CEP68: variants seen among roughly 807,000 people sequenced by gnomAD.
CEP68 encodes the protein centrosomal protein 68.
CEP68 carries 26 observed loss-of-function variants against 55.3 expected under a neutral mutation model. The observed-to-expected ratio is 0.47, with a 90% CI of 0.34 to 0.65. CEP68 has a LOEUF of 0.65. CEP68 is among the 30% of genes least tolerant of loss of function. The pLI is 0.01. For synonymous variants in CEP68, 402 were observed against 383.2 expected (o/e 1.05, Z -0.57); for missense variants, 957 against 946.7 (o/e 1.01, Z -0.14).
At chr2:65,080,149 C>T (rs1676942299) in intron 5 of CEP68, 1 of 799,780 alleles carries the variant, frequency 1.3e-6, no homozygotes, top group Non-Finnish European at 1.5e-6. Context: ...AAAAAAAGGC[C>T]TCTTAAAAGC....
Position 65,085,993 on chromosome 2 carries a change from A to G in CEP68, c.*2359A>G, listed in dbSNP as rs1669016499. On this transcript the variant is annotated 3_prime_UTR_variant, in exon 7 of 7. Transcript: ENST00000377990. ...TGGAAGTTAAATCCACAGGGAAGTG[A>G]TGATACTCAAAGCTGGATCAGCAGT... is the stretch of plus-strand genomic sequence containing the variant. 1 of 152,226 alleles carries G rather than the reference A, an allele frequency of 6.6e-6. No homozygotes were observed. The highest frequency in any genetic ancestry group is 1.5e-5 in the Non-Finnish European group (1 of 68,040). 9.4% of individuals were successfully genotyped at this position (152,226 alleles called of 1,614,324 possible). A position where few individuals can be genotyped will look rare whatever the true frequency, so the allele number is the denominator to read the frequency against.
At chr2:65,068,542 T>C (rs1243905151) in intron 1 of CEP68, among the ~76,000 whole-genome samples, 2 of 152,254 alleles carry the variant, frequency 1.3e-5, no homozygotes, top group Non-Finnish European at 2.9e-5. Flanking sequence ...TGCTGATCTC[T>C]TTCTCTTTGG....
chr2:65,065,967 A>C (rs891663039), intron 1 of CEP68, among the ~76,000 whole-genome samples: 28 of 152,032 alleles, frequency 1.8e-4, no homozygotes, highest in African/African-American at 6.5e-4. Context: ...AAAAAAAAAA[A>C]AAAAACACAA....
chr2:65,072,521 A>G lies in CEP68; in HGVS notation c.1425A>G (p.Glu475=). Residue 475 remains glutamate (E), a synonymous_variant, in exon 3 of 7, where the codon GAA becomes GAG. Transcript: ENST00000377990. ...CTESRWKSEE[E]VESDDEYLAL... ...AGTCTAGGTGGAAATCAGAAGAGGA[A>G]GTGGAAAGTGATGACGAGTATCTTG... is the stretch of plus-strand genomic sequence containing the variant. The G allele has an allele frequency of 1.2e-6, 2 of 1,614,066 alleles. No homozygotes were observed. Among genetic ancestry groups the G allele is most frequent in the Non-Finnish European group, 1.7e-6 (2 of 1,179,992 alleles).
Position 65,074,217 on chromosome 2 carries a change from C to G in CEP68, c.1885-65C>G, listed in dbSNP as rs1048465640. On this transcript the variant is annotated intron_variant, in intron 3 of 6. Transcript: ENST00000377990. ...CTCCAAGTCCTCCTGATATTTTTAGCCTTTTGATAACATAAATAGCTGTTC... is the reference window on the plus strand; with the variant it reads ...CTCCAAGTCCTCCTGATATTTTTAGGCTTTTGATAACATAAATAGCTGTTC... 6.3e-6 allele frequency: 10 copies of G among 1,581,806 alleles called. No homozygotes were observed. The South Asian group carries it at 8.1e-5, about 13-fold the overall frequency.
Position 65,082,226 on chromosome 2 carries a change from T to G in CEP68, c.2105-310T>G, listed in dbSNP as rs1393978326. Among the ~76,000 whole-genome samples, 5 of 152,228 alleles carry G rather than the reference T, an allele frequency of 3.3e-5. No individual in the cohort carries two copies. The East Asian group carries it at 5.8e-4, about 18-fold the overall frequency. ...CCCTTACAGAGATACCTGTCTTACC[T>G]CTAAAGTCAGGTAATACCAGCCATC... On this transcript the variant is annotated intron_variant, in intron 5 of 6. Coordinates refer to ENST00000377990, the MANE Select transcript of CEP68 (RefSeq NM_015147.3).
At position 65,072,011 on chromosome 2, in the gene CEP68, T is replaced by C. The variant is rs1410301804; in HGVS notation, c.915T>C (p.Tyr305=). 3.1e-6 allele frequency: 5 copies of C among 1,613,226 alleles called. No individual in the cohort carries two copies. The South Asian group carries it at 3.3e-5, about 11-fold the overall frequency. Reference sequence around the variant, plus strand: ...AAGAGTATGAAGATCTGCTTGACTATACTTACCCACTGAGGCCCGGGCCTC... The same window carrying C: ...AAGAGTATGAAGATCTGCTTGACTACACTTACCCACTGAGGCCCGGGCCTC... The part of the protein sequence containing the change: ...PNKEYEDLLD[Y]TYPLRPGPQL... The change falls in exon 3 of 7, where the codon TAT becomes TAC. Residue 305 remains tyrosine, a synonymous_variant. Coordinates refer to ENST00000377990, the MANE Select transcript of CEP68 (RefSeq NM_015147.3).
intron 1 of CEP68, among the ~76,000 whole-genome samples, chr2:65,059,466 T>C (rs1314300046): frequency 6.6e-6 from 1 of 152,236 alleles, no homozygotes; most frequent in Non-Finnish European, 1.5e-5. Context: ...ATAGCCATCA[T>C]GAATCTCAAA....
rs1427846405 is a variant in CEP68 at position 65,082,615 on chromosome 2, C to A, written c.2184C>A (p.Ile728=). The A allele has an allele frequency of 1.1e-5, 18 of 1,612,392 alleles. No individual in the cohort carries two copies. Among genetic ancestry groups the A allele is most frequent in the Admixed American group, 1.7e-5 (1 of 59,696 alleles). ...ESHADRLYDS[I]LASLDMLAGC... ...ACGCAGATCGCCTGTATGACTCTAT[C>A]TTGGCCTCTCTGGACATGCTGGCTG... The change falls in exon 6 of 7, where the codon ATC becomes ATA. Residue 728 remains isoleucine (I), a synonymous_variant. Coordinates refer to ENST00000377990, the MANE Select transcript of CEP68 (RefSeq NM_015147.3).
rs766572390 is a variant in CEP68 at position 65,072,844 on chromosome 2, C to T, written c.1748C>T (p.Ser583Phe). 3.1e-6 allele frequency: 5 copies of T among 1,614,062 alleles called. No individual in the cohort carries two copies. In the African/African-American group the frequency reaches 4.0e-5, roughly 13 times the overall value. ...GGGAGCAGCCAGGCCCTCGGGGTCT[C>T]CTCTGGACTGCTGAAAACACGCCCC... ...SLGSSQALGV[S>F]SGLLKTRPSL... The change falls in exon 3 of 7, where the codon TCC (serine) becomes TTC (phenylalanine). Residue 583 changes from serine (S) to phenylalanine (F), a missense_variant. Ser to Phe is a radical substitution (Grantham distance 155, BLOSUM62 -2). Transcript: ENST00000377990.
At chr2:65,064,690 C>T (rs1011201184) in intron 1 of CEP68, among the ~76,000 whole-genome samples, 1 of 149,662 alleles carries the variant, frequency 6.7e-6, no homozygotes, top group Non-Finnish European at 1.5e-5. Context: ...GCTGAGATAG[C>T]GCCACTGCAG....
At chr2:65,066,500 CG>C (rs111831538) in intron 1 of CEP68, among the ~76,000 whole-genome samples, 19,064 of 151,322 alleles carry the variant, frequency 0.13, 1,588 homozygotes, top group South Asian at 0.21. Context: ...GAGGCTGAGG[CG>C]GGTGGATCAT....
chr2:65,071,851 C>T lies in CEP68; in HGVS notation c.755C>T (p.Pro252Leu). ...LGPRPQWSPQ[P>L]VFSGGDASGL... ...CCTCGGCCCCAGTGGTCACCACAGC[C>T]TGTGTTCTCTGGGGGTGATGCTTCT... The change falls in exon 3 of 7, where the codon CCT (proline) becomes CTT (leucine). Residue 252 changes from proline (P) to leucine (L), a missense_variant. By Grantham distance (98) the Pro-to-Leu change is moderately conservative (BLOSUM62 -3). Coordinates refer to ENST00000377990, the MANE Select transcript of CEP68 (RefSeq NM_015147.3). 3 of 1,606,034 alleles carry T rather than the reference C, an allele frequency of 1.9e-6. No homozygotes were observed. Among genetic ancestry groups the T allele is most frequent in the Non-Finnish European group, 2.6e-6 (3 of 1,175,628 alleles).
chr2:65,079,685 A>ATT (rs1676918355), intron 5 of CEP68, among the ~76,000 whole-genome samples: 1 of 152,228 alleles, frequency 6.6e-6, no homozygotes, highest in Non-Finnish European at 1.5e-5. Flanking sequence ...CCATTTAATC[A>ATT]CAGCCCTGTG....
Position 65,077,943 on chromosome 2 carries a change from T to G in CEP68, c.2083T>G (p.Cys695Gly). The G allele has an allele frequency of 6.2e-7, 1 of 1,613,778 alleles. No homozygotes were observed. ...VLQKGEILLQCLLENTPVLED... is the reference protein window; with the variant it reads ...VLQKGEILLQGLLENTPVLED... Reference sequence around the variant, plus strand: ...ACAGAAGGGGGAGATTCTTCTTCAGTGCCTGTTGGAGAACACCCCAGGTGA... The same window carrying G: ...ACAGAAGGGGGAGATTCTTCTTCAGGGCCTGTTGGAGAACACCCCAGGTGA... Residue 695 changes from cysteine to glycine, a missense_variant, in exon 5 of 7, where the codon TGC (cysteine) becomes GGC (glycine). By Grantham distance (159) the Cys-to-Gly change is radical (BLOSUM62 -3). Transcript: ENST00000377990.
Position 65,084,852 on chromosome 2 carries a change from T to TG in CEP68, c.*1218_*1219insG, listed in dbSNP as rs2103810045. 1 of 152,342 alleles carries TG rather than the reference T, an allele frequency of 6.6e-6. No homozygotes were observed. Among genetic ancestry groups the TG allele is most frequent in the Non-Finnish European group, 1.5e-5 (1 of 68,030 alleles). The allele number at this position is 152,342 out of a possible 1,614,324, so 9.4% of individuals were successfully genotyped here. On this transcript the variant is annotated 3_prime_UTR_variant, in exon 7 of 7. Coordinates refer to ENST00000377990, the MANE Select transcript of CEP68 (RefSeq NM_015147.3). ...CCTGATGCTGCTGTGGTATGCTTTATCATAATGCTTAAGGGCATGATCAAA... is the reference window on the plus strand; with the variant it reads ...CCTGATGCTGCTGTGGTATGCTTTATGCATAATGCTTAAGGGCATGATCAAA...
chr2:65,077,053 T>A (rs1249281766), intron 4 of CEP68, among the ~76,000 whole-genome samples: 1 of 139,638 alleles, frequency 7.2e-6, no homozygotes, highest in Non-Finnish European at 1.5e-5. Context: ...TGGAGTGCAA[T>A]GGTGTGATCT....
At position 65,069,703 on chromosome 2, in the gene CEP68, AAC is replaced by A; in HGVS notation, c.261_262del (p.Asn87LysfsTer6). The stretch of plus-strand genomic sequence containing the variant: ...CCACCAGCCACAGGCCAGTGATGCC[AAC>A]AGAGAGCCCGTAGCTGAGAGGTCTG... ...RAHQPQASDA[N>X]REPVAERSEP... On this transcript the variant is annotated frameshift_variant, in exon 2 of 7. Coordinates refer to ENST00000377990, the MANE Select transcript of CEP68 (RefSeq NM_015147.3). LOFTEE classifies it high-confidence loss of function. The A allele has an allele frequency of 6.2e-7, 1 of 1,614,128 alleles. No homozygotes were observed. Among genetic ancestry groups the A allele is most frequent in the Non-Finnish European group, 8.5e-7 (1 of 1,180,032 alleles).
At chr2:65,071,299 T>C in intron 2 of CEP68, 155 bp from the exon 3 acceptor site, 1 of 629,224 alleles carries the variant, frequency 1.6e-6, no homozygotes, top group Non-Finnish European at 2.8e-6. Flanking sequence ...TGGCAGTGCA[T>C]ATTGCCTGGT....
Sources: allele counts gnomAD v4.1 joint callset (sites outside exome capture counted in the v4.1 genomes callset), GRCh38; gene constraint gnomAD v4.1.1; transcripts MANE v1.5; gene names NCBI Gene and HGNC (gene_info 2026-07-23, HGNC 2026-07-21).